DMBT1: variants seen among roughly 807,000 people sequenced by gnomAD.
DMBT1 encodes the protein deleted in malignant brain tumors 1.
In DMBT1, 198 loss-of-function variants were observed where a neutral mutation model predicts 252.9. The observed-to-expected ratio is 0.78, with a 90% CI of 0.70 to 0.88. DMBT1 has a LOEUF of 0.88. Among genes scored for constraint, DMBT1 ranks in the 40% least tolerant of loss-of-function variants. The pLI is 0.00. For missense variants in DMBT1, 2,432 were observed against 2,404.7 expected, an observed-to-expected ratio of 1.01 and a Z score of -0.24; for synonymous variants, 990 against 942.7, an observed-to-expected ratio of 1.05 and a Z score of -0.92.
intron 24 of DMBT1, among the ~76,000 whole-genome samples, 175 bp from the exon 25 acceptor site, chr10:122,597,799 C>T (rs3981003): frequency 4.5e-4 from 69 of 152,242 alleles, no homozygotes; most frequent in African/African-American, 9.1e-4. Flanking sequence ...CCAGCAAGGC[C>T]TATGACCCTT....
In DMBT1 at chr10:122,630,947, A is replaced by T; in HGVS notation, c.6026-14A>T. The stretch of plus-strand genomic sequence containing the variant: ...GGGACATGGCCATGATCTCTCAGTT[A>T]ATGTGTCTTTCAGATGCCACCTTGA... On this transcript the variant is annotated splice_polypyrimidine_tract_variant and intron_variant, in intron 48 of 55. Transcript: ENST00000338354. The T allele has an allele frequency of 6.3e-7, 1 of 1,583,954 alleles. No homozygotes were observed. Among genetic ancestry groups the T allele is most frequent in the African/African-American group, 1.3e-5 (1 of 74,528 alleles).
At chr10:122,628,642 A>C (rs1313924451) in intron 46 of DMBT1, among the ~76,000 whole-genome samples, 5 of 152,210 alleles carry the variant, frequency 3.3e-5, no homozygotes, top group Non-Finnish European at 7.3e-5. Context: ...ATCTCAAAAC[A>C]AAACAAAAGA....
chr10:122,599,045 C>A lies in DMBT1; in HGVS notation c.3228C>A (p.Gly1076=). The A allele has an allele frequency of 6.2e-7, 1 of 1,613,822 alleles. No homozygotes were observed. Among genetic ancestry groups the A allele is most frequent in the Non-Finnish European group, 8.5e-7 (1 of 1,179,762 alleles). Reference sequence around the variant, plus strand: ...ACCTGTGGAGCTGCCCCCACAATGGCTGGCTCTCCCACAACTGTGGCCATA... The same window carrying A: ...ACCTGTGGAGCTGCCCCCACAATGGATGGCTCTCCCACAACTGTGGCCATA... The part of the protein sequence containing the change: ...ESYLWSCPHN[G]WLSHNCGHSE... The change falls in exon 26 of 56, where the codon GGC becomes GGA. Residue 1076 remains glycine (G), a synonymous_variant. Transcript: ENST00000338354.
chr10:122,639,200 G>A (rs1453305652), intron 54 of DMBT1, among the ~76,000 whole-genome samples: 1 of 152,156 alleles, frequency 6.6e-6, no homozygotes, highest in Admixed American at 6.5e-5. Flanking sequence ...CTCCATCGTA[G>A]GCACCACAGG....
Position 122,586,213 on chromosome 10 carries a change from G to A in DMBT1, c.1613G>A (p.Gly538Asp). The A allele has an allele frequency of 6.3e-7, 1 of 1,589,138 alleles. No homozygotes were observed. The highest frequency in any genetic ancestry group is 8.6e-7 in the Non-Finnish European group (1 of 1,166,048). ...ANVVCRQLGC[G>D]WAMLAPGNAR... The stretch of plus-strand genomic sequence containing the variant: ...GTGGTCTGCAGGCAGCTGGGCTGTG[G>A]CTGGGCCATGTTGGCCCCAGGAAAT... Residue 538 changes from glycine (G) to aspartate (D), a missense_variant, in exon 16 of 56, where the codon GGC (glycine) becomes GAC (aspartate). Physicochemically the swap from Gly to Asp is moderately conservative, Grantham distance 94. This residue lies in a region of DMBT1 where 1,264 missense variants were observed against 1,082.2 expected (regional missense o/e 1.17). Coordinates refer to ENST00000338354, the MANE Select transcript of DMBT1 (RefSeq NM_001377530.1).
intron 48 of DMBT1, 148 bp from the exon 49 acceptor site, chr10:122,630,813 T>A: frequency 4.7e-6 from 4 of 856,504 alleles, no homozygotes; most frequent in Non-Finnish European, 7.1e-6. Flanking sequence ...CATGGAGCGG[T>A]CCAGTACCTC....
intron 45 of DMBT1, 95 bp downstream of exon 45, chr10:122,625,398 G>C (rs971153167): frequency 1.7e-6 from 2 of 1,196,908 alleles, no homozygotes; most frequent in Admixed American, 3.9e-5. Context: ...GACTCCCCCT[G>C]GGGGGGTAAT....
Position 122,578,753 on chromosome 10 carries a change from A to C in DMBT1, c.673A>C (p.Thr225Pro), listed in dbSNP as rs28584787. 3 of 1,607,980 alleles carry C rather than the reference A, an allele frequency of 1.9e-6. No individual in the cohort carries two copies. In the Middle Eastern group the frequency reaches 5.0e-4, roughly 266 times the overall value. ...WPVRISPPVP[T>P]EGSESSLALR... is the part of the protein sequence containing the mutation. ...TGTCAGGATATCACCACCTGTACCC[A>C]CAGAAGGTAAAGAATCCTCTCAACA... Residue 225 changes from threonine to proline, a missense_variant, in exon 9 of 56, where the codon ACA (threonine) becomes CCA (proline). Transcript: ENST00000338354.
At chr10:122,574,743 C>T (rs2097696880) in intron 6 of DMBT1, among the ~76,000 whole-genome samples, 1 of 152,186 alleles carries the variant, frequency 6.6e-6, no homozygotes, top group Admixed American at 6.5e-5. Context: ...AAGGACCACA[C>T]CTTGGTGGGA....
At chr10:122,620,918 C>T in intron 43 of DMBT1, 139 bp from the exon 44 acceptor site, 2 of 1,485,428 alleles carry the variant, frequency 1.3e-6, no homozygotes, top group Non-Finnish European at 1.8e-6. Context: ...GAAGCTGAAC[C>T]TCTGTCTGTA....
At chr10:122,564,986 G>A (rs1210437907) in intron 1 of DMBT1, among the ~76,000 whole-genome samples, 2 of 151,854 alleles carry the variant, frequency 1.3e-5, no homozygotes, top group East Asian at 3.9e-4. Flanking sequence ...ATTTTTAACT[G>A]CATTCAATGA....
chr10:122,587,476 A>T lies in DMBT1; in HGVS notation c.1783+1093A>T, dbSNP rs77443566. Among the ~76,000 whole-genome samples, 41 of 148,532 alleles carry T rather than the reference A, an allele frequency of 2.8e-4. 7 individuals carry two copies. The East Asian group carries it at 8.5e-3, about 31-fold the overall frequency. On this transcript the variant is annotated intron_variant, in intron 16 of 55. Transcript: ENST00000338354. ...CAGGCAGTGCCCATGAGGCTTACTG[A>T]GCAAAGCCTTGTTATGAATGCCTGT...
At chr10:122,564,495 G>A (rs1247624287) in intron 1 of DMBT1, among the ~76,000 whole-genome samples, 2 of 126,038 alleles carry the variant, frequency 1.6e-5, no homozygotes, top group African/African-American at 5.7e-5. Context: ...CCTTTTACCA[G>A]GAAGTAAAAA....
rs1328474637 is a variant in DMBT1 at position 122,562,736 on chromosome 10, T to C, written c.61+1905T>C. 2.0e-5 allele frequency among the ~76,000 whole-genome samples: 3 copies of C among 152,374 alleles called. No homozygotes were observed. The East Asian group carries it at 5.8e-4, about 29-fold the overall frequency. The stretch of plus-strand genomic sequence containing the variant: ...TTATGTGCATGCATATGGACAGACA[T>C]GCACACATGTGCATGCATGCCTGTG... On this transcript the variant is annotated intron_variant, in intron 1 of 55. Transcript: ENST00000338354.
chr10:122,620,262 T>C lies in DMBT1; in HGVS notation c.5255T>C (p.Leu1752Pro), dbSNP rs886149609. Residue 1752 changes from leucine (L) to proline (P), a missense_variant, in exon 43 of 56, where the codon CTG becomes CCG. Coordinates refer to ENST00000338354, the MANE Select transcript of DMBT1 (RefSeq NM_001377530.1). ...TTGTTGCAATTTACAGATACTTGGC[T>C]GACCACCAACTTACCGGCATTGACA... ...SQSTPRPDTW[L>P]TTNLPALTVG... The C allele has an allele frequency of 6.2e-7, 1 of 1,613,922 alleles. No homozygotes were observed. Among genetic ancestry groups the C allele is most frequent in the African/African-American group, 1.3e-5 (1 of 74,946 alleles).
At chr10:122,562,093 C>G (rs967908030) in intron 1 of DMBT1, among the ~76,000 whole-genome samples, 1 of 151,968 alleles carries the variant, frequency 6.6e-6, no homozygotes, top group African/African-American at 2.4e-5. Flanking sequence ...CTCTCTCTCT[C>G]TCTCCCTTTG....
intron 49 of DMBT1, 41 bp from the exon 50 acceptor site, chr10:122,631,814 A>G (rs1391945421): frequency 6.2e-7 from 1 of 1,612,816 alleles, no homozygotes; most frequent in Non-Finnish European, 8.5e-7. Context: ...CCTCCAAGCC[A>G]CATGTCTGTG....
Position 122,585,262 on chromosome 10 carries a change from C to A in DMBT1, c.1421-9C>A. ...TTAATTCTAGCCTTTGTCTCTGTTG[C>A]AATTACAGACACGTTGCCGACCATC... On this transcript the variant is annotated splice_polypyrimidine_tract_variant and intron_variant, in intron 14 of 55. Transcript: ENST00000338354. 1 of 1,586,078 alleles carries A rather than the reference C, an allele frequency of 6.3e-7. No homozygotes were observed. The highest frequency in any genetic ancestry group is 8.6e-7 in the Non-Finnish European group (1 of 1,163,890).
intron 2 of DMBT1, among the ~76,000 whole-genome samples, chr10:122,567,289 G>C (rs375197433): frequency 1.3e-5 from 2 of 152,192 alleles, no homozygotes; most frequent in Non-Finnish European, 2.9e-5. Context: ...TGCACCTCTA[G>C]GTTCATCTCT....
Sources: allele counts gnomAD v4.1 joint callset (sites outside exome capture counted in the v4.1 genomes callset), GRCh38; gene constraint gnomAD v4.1.1; regional missense constraint gnomAD v4.1.1; transcripts MANE v1.5; gene names NCBI Gene and HGNC (gene_info 2026-07-23, HGNC 2026-07-21).